The following RS1 variants were observed in gnomAD, a reference collection of about 807,000 sequenced individuals.
RS1 encodes retinoschisin 1.
RS1 carries 2 observed loss-of-function variants against 20.8 expected under a neutral mutation model. The ratio of observed to expected loss-of-function variants is 0.10; its 90% CI spans 0.04 to 0.30. The LOEUF (loss-of-function observed/expected upper bound fraction) is 0.30. RS1 is among the 10% of genes least tolerant of loss of function. The pLI is 1.00. For synonymous variants in RS1, 70 were observed against 75.8 expected (o/e 0.92, Z 0.40); for missense variants, 151 against 189.8 (o/e 0.80, Z 1.20).
At chrX:18,655,986 C>CTTTTTTTTTTTT (rs56213978) in intron 3 of RS1, among the ~76,000 whole-genome samples, 1 of 50,828 alleles carries the variant, frequency 2.0e-5, no homozygotes, top group Non-Finnish European at 3.5e-5. Context: ...TTTTCTTTTC[C>CTTTTTTTTTTTT]TTTTTTTTTT....
intron 3 of RS1, chrX:18,653,339 C>T: frequency 8.6e-7 from 1 of 1,166,120 alleles, no homozygotes; most frequent in Non-Finnish European, 1.1e-6. Context: ...ATGTGGCCTT[C>T]TGCTCCGTGG....
rs1282807746 is a variant in RS1 at position 18,639,881 on chromosome X, A to G, written c.*2123T>C. ...TAACGTGGATGAACTTTAAAACACT[A>G]TGCTAAGTGAAAGAAGCCAGTCACG... On this transcript the variant is annotated 3_prime_UTR_variant, in exon 6 of 6. Transcript: ENST00000379984. 1 of 111,891 alleles carries G rather than the reference A, an allele frequency of 8.9e-6. No homozygotes were observed. The highest frequency in any genetic ancestry group is 2.8e-4 in the East Asian group (1 of 3,563). 9.2% of individuals were successfully genotyped at this position (111,891 alleles called of 1,213,427 possible). A position where few individuals can be genotyped will look rare whatever the true frequency, so the allele number is the denominator to read the frequency against.
chrX:18,642,755 C>T (rs1178069934), intron 5 of RS1, among the ~76,000 whole-genome samples: 2 of 112,217 alleles, frequency 1.8e-5, no homozygotes, highest in African/African-American at 3.2e-5. Context: ...GACATAAAAA[C>T]TTGGCCAGGC....
intron 4 of RS1, 128 bp downstream of exon 4, chrX:18,647,063 C>A (rs757310362): frequency 4.0e-6 from 3 of 741,060 alleles, no homozygotes; most frequent in Admixed American, 2.6e-5. Context: ...ATTACAGGCA[C>A]GTGCCACCAC....
At chrX:18,663,431 C>T (rs1024925997) in intron 1 of RS1, among the ~76,000 whole-genome samples, 3 of 103,677 alleles carry the variant, frequency 2.9e-5, no homozygotes, top group Non-Finnish European at 5.8e-5. Context: ...CAGCCTTGAA[C>T]TCCAGGGCTC....
chrX:18,650,609 G>C (rs745659914), intron 3 of RS1: 2 of 1,207,623 alleles, frequency 1.7e-6, no homozygotes, highest in African/African-American at 3.5e-5. Context: ...AGAGACTCTA[G>C]ACCGGTGGGG....
chrX:18,648,673 A>G (rs1163400868), intron 3 of RS1, among the ~76,000 whole-genome samples: 3 of 112,283 alleles, frequency 2.7e-5, no homozygotes, highest in African/African-American at 9.7e-5. Flanking sequence ...CCAGTGAGAC[A>G]TAAAGACTGC....
At chrX:18,654,640 T>A (rs1173830975) in intron 3 of RS1, among the ~76,000 whole-genome samples, 2 of 111,373 alleles carry the variant, frequency 1.8e-5, no homozygotes, top group Non-Finnish European at 3.8e-5. Flanking sequence ...TGAGGGTGCG[T>A]CAGTATTGAC....
intron 1 of RS1, among the ~76,000 whole-genome samples, chrX:18,659,701 C>T (rs987141264): frequency 1.8e-5 from 2 of 111,500 alleles, no homozygotes; most frequent in Admixed American, 1.9e-4. Context: ...CACAAGGAAA[C>T]TGAGAAAACT....
At position 18,668,563 on chromosome X, in the gene RS1, C is replaced by T. The variant is rs765235166; in HGVS notation, c.52+3454G>A. ...CTGCTTGAGAAACAGGAGGAACGCA[C>T]GCAGCAGGCTGCAATAATGTCCCTC... On this transcript the variant is annotated intron_variant, in intron 1 of 5. Transcript: ENST00000379984. 1.8e-4 allele frequency among the ~76,000 whole-genome samples: 20 copies of T among 113,124 alleles called. 1 individual carries two copies. The East Asian group carries it at 3.3e-3, about 19-fold the overall frequency.
At chrX:18,654,279 C>T (rs750545687) in intron 3 of RS1, among the ~76,000 whole-genome samples, 2 of 108,936 alleles carry the variant, frequency 1.8e-5, no homozygotes, top group African/African-American at 3.4e-5. Context: ...CTTGGCCTCC[C>T]GAGTAGCTGG....
At chrX:18,662,369 T>C (rs1964996) in intron 1 of RS1, among the ~76,000 whole-genome samples, 62,461 of 110,310 alleles carry the variant, frequency 0.57, 14,639 homozygotes, top group Non-Finnish European at 0.76. Flanking sequence ...TTGTTGCATA[T>C]GTATACATGT....
intron 4 of RS1, among the ~76,000 whole-genome samples, chrX:18,645,736 C>T (rs779684390): frequency 3.6e-5 from 4 of 111,193 alleles, no homozygotes; most frequent in Admixed American, 9.6e-5. Flanking sequence ...CGATACTCTT[C>T]GACTTAAAAT....
chrX:18,655,880 T>G (rs561660366), intron 3 of RS1, among the ~76,000 whole-genome samples: 1 of 110,474 alleles, frequency 9.1e-6, no homozygotes, highest in South Asian at 3.9e-4. Flanking sequence ...AGTTCAGATG[T>G]GACACAGCCA....
At chrX:18,666,756 T>C (rs1928411069) in intron 1 of RS1, among the ~76,000 whole-genome samples, 1 of 109,914 alleles carries the variant, frequency 9.1e-6, no homozygotes. Context: ...ACTGGGGAAG[T>C]AGTGCCCACA....
intron 3 of RS1, among the ~76,000 whole-genome samples, chrX:18,655,126 T>A (rs1928189743): frequency 8.9e-6 from 1 of 112,040 alleles, no homozygotes; most frequent in African/African-American, 3.2e-5. Context: ...CTCCTCAGTG[T>A]GTGAGCTCTT....
At chrX:18,647,489 AACGGT>A in intron 3 of RS1, 157 bp from the exon 4 acceptor site, 1 of 522,125 alleles carries the variant, frequency 1.9e-6, no homozygotes. Context: ...CTGTGTCTTC[AACGGT>A]TCACTACTCA....
chrX:18,657,665 G>A lies in RS1; in HGVS notation c.53C>T (p.Ala18Val). 2 of 1,192,622 alleles carry A rather than the reference G, an allele frequency of 1.7e-6. No homozygotes were observed. The highest frequency in any genetic ancestry group is 3.5e-5 in the South Asian group (2 of 56,552). The stretch of plus-strand genomic sequence containing the variant: ...CTCGGTAGACGATAATCCCAATGTG[G>A]CTAAAGCAAAAGGATGAGACAGAAA... ...FLLLLLFGYE[A>V]TLGLSSTEDE... Residue 18 changes from alanine (A) to valine (V), a missense_variant and splice_region_variant, in exon 2 of 6, where the codon GCC becomes GTC. Ala to Val is a moderately conservative substitution (Grantham distance 64). Coordinates refer to ENST00000379984, the MANE Select transcript of RS1 (RefSeq NM_000330.4).
intron 1 of RS1, among the ~76,000 whole-genome samples, chrX:18,666,398 G>A (rs751121923): frequency 1.5e-3 from 170 of 111,427 alleles, no homozygotes; most frequent in African/African-American, 5.3e-3. Context: ...CCAAGCCCTC[G>A]AGGTGAGCGT....
Sources: gnomAD v4.1 joint callset for allele counts (sites outside exome capture counted in the v4.1 genomes callset) on GRCh38, gnomAD v4.1.1 for gene constraint, MANE v1.5 for transcripts, NCBI Gene and HGNC (gene_info 2026-07-23, HGNC 2026-07-21) for gene names.